Variants in TMEM223 observed in about 807,000 individuals in gnomAD.
The protein encoded by TMEM223 is transmembrane protein 223.
TMEM223 carries 14 observed loss-of-function variants against 14.1 expected under a neutral mutation model. The ratio of observed to expected loss-of-function variants is 0.99; its 90% confidence interval spans 0.66 to 1.55. TMEM223 has a LOEUF of 1.55. Ranked by LOEUF, TMEM223 falls within the 40% of genes most tolerant of loss-of-function variation. TMEM223 has a pLI of 0.00. For missense variants in TMEM223, 346 were observed against 269.9 expected (o/e 1.28, Z -1.97); for synonymous variants, 145 against 120.5 (o/e 1.20, Z -1.33).
downstream of TMEM223, chr11:62,782,664 C>T (rs182049001): frequency 2.1e-5 from 33 of 1,607,388 alleles, no homozygotes; most frequent in East Asian, 6.7e-4. Context: ...TGCCTCATTC[C>T]CCTCCCTAAC....
rs1353965957 is a variant in TMEM223, at chr11:62,774,894, A to G, written c.315-229T>C. On this transcript the variant is annotated intron_variant, in intron 1 of 2. Transcript: ENST00000528367. Reference sequence around the variant, plus strand: ...CAACAAGAACAAAACTCCGTCTCAAAAAAAAAAAAAAAAAAATTTAGCCAT... The same window carrying G: ...CAACAAGAACAAAACTCCGTCTCAAGAAAAAAAAAAAAAAAATTTAGCCAT... Among the ~76,000 whole-genome samples the G allele has an allele frequency of 2.0e-5, 3 of 148,712 alleles. No individual in the cohort carries two copies. The East Asian group carries it at 5.9e-4, about 29-fold the overall frequency.
chr11:62,787,499 T>C (rs2084299862), downstream of TMEM223: 5 of 1,578,876 alleles, frequency 3.2e-6, no homozygotes, highest in Non-Finnish European at 4.3e-6. Flanking sequence ...TGCGGGGCCG[T>C]GGCGGCCGCG....
At chr11:62,789,384 G>A (rs766099106), downstream of TMEM223, 2 of 1,613,912 alleles carry the variant, frequency 1.2e-6, no homozygotes, top group South Asian at 1.1e-5. Flanking sequence ...TTTGGCACCA[G>A]GTCTCTCTGC....
rs1287628489 is a variant in TMEM223 at position 62,790,397 on chromosome 11, G to A, written c.*226C>T. 1.4e-5 allele frequency: 8 copies of A among 567,786 alleles called. No individual in the cohort carries two copies. The highest frequency in any genetic ancestry group is 2.4e-5 in the Non-Finnish European group (8 of 326,716). 35.2% of individuals were successfully genotyped at this position (567,786 alleles called of 1,614,324 possible). ...TGTTAATGAATCTTGACCTCCTTGTGTGACCCTGGTTGTTACTCCATTCTA... is the reference window on the plus strand; with the variant it reads ...TGTTAATGAATCTTGACCTCCTTGTATGACCCTGGTTGTTACTCCATTCTA... On this transcript the variant is annotated 3_prime_UTR_variant, in exon 2 of 2. Coordinates refer to ENST00000307366, the MANE Select transcript of TMEM223 (RefSeq NM_001080501.3).
chr11:62,791,046 T>C, intron 1 of TMEM223, 131 bp from the exon 2 acceptor site: 2 of 961,836 alleles, frequency 2.1e-6, no homozygotes, highest in Non-Finnish European at 3.0e-6. Context: ...TTTTTGAGAC[T>C]GAGTCTCACT....
At chr11:62,773,648 A>G (rs518780) in intron 2 of TMEM223, among the ~76,000 whole-genome samples, 3,760 of 151,372 alleles carry the variant, frequency 0.025, 158 homozygotes, top group African/African-American at 0.085. Context: ...GGGTTTTTCT[A>G]TGTTGGTCAG....
At chr11:62,783,557 G>A (rs1250407138), downstream of TMEM223, among the ~76,000 whole-genome samples, 7 of 147,470 alleles carry the variant, frequency 4.7e-5, no homozygotes, top group Non-Finnish European at 1.5e-5. Flanking sequence ...TTTTTGAGAC[G>A]GAGTTTTGCT....
At chr11:62,772,966 C>T (rs1054148134) in intron 2 of TMEM223, among the ~76,000 whole-genome samples, 14 of 151,422 alleles carry the variant, frequency 9.2e-5, no homozygotes, top group African/African-American at 2.9e-4. Context: ...CAGCCTCTGC[C>T]TCCTGGGTTC....
downstream of TMEM223, chr11:62,786,609 C>T: frequency 1.9e-6 from 3 of 1,589,524 alleles, no homozygotes; most frequent in South Asian, 1.1e-5. Context: ...GCCTGGACGA[C>T]CTGCCATGGG....
At chr11:62,783,803 G>T (rs1186482940), downstream of TMEM223, among the ~76,000 whole-genome samples, 1 of 151,700 alleles carries the variant, frequency 6.6e-6, no homozygotes, top group Non-Finnish European at 1.5e-5. Context: ...ATAGTGCTGG[G>T]ATTATAGGCA....
Position 62,775,881 on chromosome 11 carries a change from C to T in TMEM223, c.315-1216G>A, listed in dbSNP as rs752649490. 20 of 1,613,786 alleles carry T rather than the reference C, an allele frequency of 1.2e-5. No homozygotes were observed. Among genetic ancestry groups the T allele is most frequent in the Middle Eastern group, 1.6e-4 (1 of 6,080 alleles). ...GGCCTGGAGCTGAGCGATGAGGTGG[C>T]GGCGCTGCTCGCAGAGGACGTGTGC... is the stretch of plus-strand genomic sequence containing the variant. On this transcript the variant is annotated intron_variant, in intron 1 of 2. Coordinates refer to the TMEM223 transcript ENST00000528367.
At chr11:62,772,939 G>A (rs1333092091) in intron 2 of TMEM223, among the ~76,000 whole-genome samples, 2 of 151,332 alleles carry the variant, frequency 1.3e-5, no homozygotes, top group African/African-American at 4.9e-5. Flanking sequence ...GTGCAGTGGT[G>A]CAATCTCGGC....
chr11:62,782,656 C>T (rs1387365943), downstream of TMEM223: 1 of 1,605,252 alleles, frequency 6.2e-7, no homozygotes, highest in Non-Finnish European at 8.5e-7. Context: ...TGGCACCATG[C>T]CTCATTCCCC....
chr11:62,789,887 C>A, downstream of TMEM223: 1 of 1,612,794 alleles, frequency 6.2e-7, no homozygotes, highest in Non-Finnish European at 8.5e-7. Context: ...CTCCTACAGA[C>A]CTCTTCTTGG....
At chr11:62,771,585 C>A, downstream of TMEM223, 1 of 166,036 alleles carries the variant, frequency 6.0e-6, no homozygotes, top group South Asian at 1.3e-4. Flanking sequence ...GGCCCGCCCC[C>A]TTGGCTGACC....
At chr11:62,787,289 C>T (rs759637135), downstream of TMEM223, 13 of 1,539,682 alleles carry the variant, frequency 8.4e-6, no homozygotes, top group Middle Eastern at 1.7e-4. Context: ...CTGTACTTGC[C>T]GCTCTGAGTC....
At chr11:62,774,744 C>T in intron 1 of TMEM223, 1 of 442,256 alleles carries the variant, frequency 2.3e-6, no homozygotes, top group South Asian at 1.6e-5. Flanking sequence ...GAAAGCCCAG[C>T]TACTATCCAG....
chr11:62,779,971 TATA>T (rs1303554395), intron 1 of TMEM223, among the ~76,000 whole-genome samples: 8 of 70,926 alleles, frequency 1.1e-4, no homozygotes, highest in African/African-American at 3.1e-4. Context: ...TATATATATA[TATA>T]TATTTTTTTT....
downstream of TMEM223, among the ~76,000 whole-genome samples, chr11:62,785,854 G>A (rs1044425002): frequency 6.6e-6 from 1 of 152,180 alleles, no homozygotes; most frequent in African/African-American, 2.4e-5. Flanking sequence ...ATTTTAAATT[G>A]TATAATCAGA....
Sources: gnomAD v4.1 joint callset for allele counts (sites outside exome capture counted in the v4.1 genomes callset) on GRCh38, gnomAD v4.1.1 for gene constraint, MANE v1.5 for transcripts, NCBI Gene and HGNC (gene_info 2026-07-23, HGNC 2026-07-21) for gene names.